The following CDH4 variants were observed in gnomAD, a reference collection of about 807,000 sequenced individuals.
CDH4 encodes cadherin-4.
Under a neutral mutation model 86.0 loss-of-function variants are expected in CDH4, and 33 were observed. That is an observed-to-expected ratio of 0.38 (90% CI 0.29 to 0.51). The LOEUF (loss-of-function observed/expected upper bound fraction) is 0.51, where lower values mean the gene tolerates loss of function less well. Ranked by LOEUF, CDH4 falls within the 20% of genes least tolerant of loss-of-function variation. The pLI, the probability that CDH4 is intolerant of heterozygous loss-of-function variation, is 0.86. For missense variants in CDH4, 1,114 were observed against 1,307.4 expected (o/e 0.85, Z 2.28); for synonymous variants, 555 against 549.4 (o/e 1.01, Z -0.14).
At chr20:61,412,613 C>T (rs984249001) in intron 2 of CDH4, among the ~76,000 whole-genome samples, 29 of 152,120 alleles carry the variant, frequency 1.9e-4, no homozygotes, top group Non-Finnish European at 5.9e-5. Flanking sequence ...TAGTTAGATC[C>T]TAGGGTGCTA....
At chr20:61,671,502 A>T (rs1373296043) in intron 2 of CDH4, among the ~76,000 whole-genome samples, 1 of 152,080 alleles carries the variant, frequency 6.6e-6, no homozygotes, top group African/African-American at 2.4e-5. Context: ...TCTCTAGAAA[A>T]AAAAGAATAA....
At chr20:61,652,658 A>G (rs2087133837) in intron 2 of CDH4, among the ~76,000 whole-genome samples, 1 of 152,056 alleles carries the variant, frequency 6.6e-6, no homozygotes, top group Non-Finnish European at 1.5e-5. Context: ...TCTTCAGAAA[A>G]ACCCGATTCC....
At chr20:61,505,133 G>A (rs1037622960) in intron 2 of CDH4, among the ~76,000 whole-genome samples, 1 of 152,176 alleles carries the variant, frequency 6.6e-6, no homozygotes, top group Admixed American at 6.5e-5. Context: ...AGGGAGGTGG[G>A]TGACGCAAGC....
At chr20:61,283,589 GGT>G (rs141419235) in intron 2 of CDH4, among the ~76,000 whole-genome samples, 97 of 149,694 alleles carry the variant, frequency 6.5e-4, no homozygotes, top group African/African-American at 2.4e-3. Context: ...TGTGTGCTGT[GGT>G]GTGTGTGATG....
At chr20:61,431,559 C>T (rs1384072209) in intron 2 of CDH4, among the ~76,000 whole-genome samples, 4 of 151,832 alleles carry the variant, frequency 2.6e-5, no homozygotes, top group Non-Finnish European at 4.4e-5. Flanking sequence ...AGGGTTTCAC[C>T]ATGTTGCCCA....
intron 2 of CDH4, among the ~76,000 whole-genome samples, chr20:61,555,910 T>A (rs1041353882): frequency 1.3e-5 from 2 of 152,192 alleles, no homozygotes; most frequent in African/African-American, 4.8e-5. Context: ...CATTATGTCT[T>A]CCCTATGGGG....
intron 7 of CDH4, among the ~76,000 whole-genome samples, chr20:61,890,459 G>T (rs1984771364): frequency 6.6e-6 from 1 of 151,410 alleles, no homozygotes; most frequent in South Asian, 2.1e-4. Context: ...TGGATAAATG[G>T]ATGATGGAAG....
chr20:61,693,063 G>C (rs1446763630), intron 2 of CDH4, among the ~76,000 whole-genome samples: 1 of 152,136 alleles, frequency 6.6e-6, no homozygotes, highest in Admixed American at 6.5e-5. Flanking sequence ...GCTATTTTGG[G>C]ATCTACGGGG....
At chr20:61,444,601 GTA>G (rs1236141078) in intron 2 of CDH4, among the ~76,000 whole-genome samples, 1 of 130,684 alleles carries the variant, frequency 7.7e-6, no homozygotes. Context: ...GTGTGTATAT[GTA>G]TGTGTGTTTC....
intron 2 of CDH4, among the ~76,000 whole-genome samples, chr20:61,434,180 T>C (rs1490056104): frequency 6.6e-6 from 1 of 152,092 alleles, no homozygotes; most frequent in African/African-American, 2.4e-5. Context: ...CCACGAGTGG[T>C]GTTTACCCCT....
At chr20:61,897,492 A>G (rs1985185646) in intron 8 of CDH4, among the ~76,000 whole-genome samples, 1 of 151,974 alleles carries the variant, frequency 6.6e-6, no homozygotes, top group African/African-American at 2.4e-5. Flanking sequence ...ACCAGCCACC[A>G]GCACTGACCA....
chr20:61,609,449 AGT>A (rs1289087570), intron 2 of CDH4, among the ~76,000 whole-genome samples: 1 of 151,718 alleles, frequency 6.6e-6, no homozygotes, highest in South Asian at 2.1e-4. Flanking sequence ...TTTTCTTTCC[AGT>A]GTGTGTGTGT....
chr20:61,813,732 C>T (rs1041563477), intron 4 of CDH4, among the ~76,000 whole-genome samples: 5 of 152,168 alleles, frequency 3.3e-5, no homozygotes, highest in African/African-American at 1.2e-4. Flanking sequence ...TATTTTCTCA[C>T]CTTGTTCCCT....
chr20:61,737,338 A>C (rs552895611), intron 2 of CDH4, among the ~76,000 whole-genome samples: 1 of 152,138 alleles, frequency 6.6e-6, no homozygotes, highest in Non-Finnish European at 1.5e-5. Context: ...GAATCTGTTG[A>C]CCCCACACCT....
intron 3 of CDH4, among the ~76,000 whole-genome samples, chr20:61,752,998 A>G (rs1412889119): frequency 2.6e-5 from 4 of 152,142 alleles, no homozygotes; most frequent in East Asian, 3.8e-4. Flanking sequence ...CTTATAGTCT[A>G]TTACTCACAA....
At chr20:61,648,368 C>T (rs1035972558) in intron 2 of CDH4, among the ~76,000 whole-genome samples, 7 of 152,146 alleles carry the variant, frequency 4.6e-5, no homozygotes, top group African/African-American at 1.7e-4. Context: ...GGACTCACTC[C>T]TCTGTGCAGA....
intron 3 of CDH4, among the ~76,000 whole-genome samples, chr20:61,770,882 C>CA (rs4002953): frequency 0.012 from 1,305 of 111,866 alleles, 28 homozygotes; most frequent in South Asian, 0.057. Flanking sequence ...GACTCCGTCT[C>CA]AAAAAAAAAA....
chr20:61,805,546 C>T (rs1422646692), intron 4 of CDH4, among the ~76,000 whole-genome samples: 1 of 152,262 alleles, frequency 6.6e-6, no homozygotes, highest in African/African-American at 2.4e-5. Context: ...TGCGAGGAAA[C>T]ACAGGCTCCT....
chr20:61,345,822 G>A (rs899241237), intron 2 of CDH4, among the ~76,000 whole-genome samples: 2 of 152,170 alleles, frequency 1.3e-5, no homozygotes. Flanking sequence ...GACAACCCCT[G>A]CCACTGGCAG....
Sources: allele counts gnomAD v4.1 joint callset (sites outside exome capture counted in the v4.1 genomes callset), GRCh38; gene constraint gnomAD v4.1.1; transcripts MANE v1.5; gene names NCBI Gene and HGNC (gene_info 2026-07-23, HGNC 2026-07-21).